CACNA1D: variants seen among roughly 807,000 people sequenced by gnomAD.
CACNA1D encodes calcium voltage-gated channel subunit alpha1 D.
In CACNA1D, 55 loss-of-function variants were observed where a neutral mutation model predicts 257.1. That is an observed-to-expected ratio of 0.21 (90% CI 0.17 to 0.27). The LOEUF (loss-of-function observed/expected upper bound fraction) is 0.27. Ranked by LOEUF, CACNA1D falls within the 10% of genes least tolerant of loss-of-function variation. CACNA1D has a pLI of 1.00. For synonymous variants in CACNA1D, 980 were observed against 1,014.9 expected (o/e 0.97, Z 0.65); for missense variants, 1,876 against 2,784.0 (o/e 0.67, Z 7.34).
chr3:53,757,912 G>C (rs1490020882), intron 29 of CACNA1D, among the ~76,000 whole-genome samples: 1 of 152,176 alleles, frequency 6.6e-6, no homozygotes, highest in East Asian at 1.9e-4. Flanking sequence ...ATGCACCATC[G>C]TTACCAACAC....
rs555197607 is a variant in CACNA1D, at chr3:53,650,288, G to A, written c.484-491G>A. Reference sequence around the variant, plus strand: ...CAGTGACAAAGCTGACTGTGACTTCGAACTCAGACATAAACCCAAGAGGAA... The same window carrying A: ...CAGTGACAAAGCTGACTGTGACTTCAAACTCAGACATAAACCCAAGAGGAA... On this transcript the variant is annotated intron_variant, in intron 3 of 47. Coordinates refer to ENST00000350061, the MANE Select transcript of CACNA1D (RefSeq NM_001128840.3). 2.0e-5 allele frequency among the ~76,000 whole-genome samples: 3 copies of A among 152,282 alleles called. No homozygotes were observed. In the East Asian group the frequency reaches 5.8e-4, roughly 29 times the overall value.
At position 53,769,973 on chromosome 3, in the gene CACNA1D, C is replaced by A. The variant is rs1342030660; in HGVS notation, c.3871C>A (p.Pro1291Thr). The change falls in exon 31 of 48, where the codon CCA (proline) becomes ACA (threonine). Residue 1291 changes from proline to threonine, a missense_variant and splice_region_variant. Around this residue, in one of 10 missense-constraint regions of CACNA1D, gnomAD observed 204 missense variants for 309.4 expected, o/e 0.66. Transcript: ENST00000350061. ...IIDVALSEAD[P>T]TESENVPVPT... The stretch of plus-strand genomic sequence containing the variant: ...ATTTTCAATCTTTGATTTCTTAAAG[C>A]CAACTGAAAGTGAAAATGTCCCTGT... The A allele has an allele frequency of 6.2e-7, 1 of 1,611,268 alleles. No individual in the cohort carries two copies.
intron 27 of CACNA1D, among the ~76,000 whole-genome samples, chr3:53,749,854 C>T (rs530475639): frequency 6.6e-6 from 1 of 152,178 alleles, no homozygotes; most frequent in African/African-American, 2.4e-5. Flanking sequence ...AGTTTCTTAC[C>T]CTTGGTGCTA....
At chr3:53,797,681 TATTATGCA>T (rs1278631404) in intron 40 of CACNA1D, 1 of 152,258 alleles carries the variant, frequency 6.6e-6, no homozygotes, top group Non-Finnish European at 1.5e-5. Context: ...TTTTTGTTTC[TATTATGCA>T]ATTATGTTAT....
intron 20 of CACNA1D, among the ~76,000 whole-genome samples, chr3:53,738,595 T>C (rs1399712343): frequency 1.3e-5 from 2 of 152,176 alleles, no homozygotes; most frequent in African/African-American, 4.8e-5. Context: ...GGGGGTTTCA[T>C]GTCTTATTTT....
intron 20 of CACNA1D, among the ~76,000 whole-genome samples, chr3:53,736,611 G>C (rs1377675191): frequency 2.0e-5 from 3 of 152,142 alleles, no homozygotes; most frequent in African/African-American, 7.2e-5. Flanking sequence ...TTATTAATTG[G>C]CTGGGCGTGG....
At chr3:53,720,016 C>G (rs2094865340) in intron 11 of CACNA1D, among the ~76,000 whole-genome samples, 2 of 152,138 alleles carry the variant, frequency 1.3e-5, no homozygotes, top group Non-Finnish European at 2.9e-5. Flanking sequence ...TTTTGCCTCC[C>G]CATTAATCCT....
chr3:53,540,262 A>T (rs1163438161), intron 3 of CACNA1D, among the ~76,000 whole-genome samples: 1 of 150,166 alleles, frequency 6.7e-6, no homozygotes, highest in Non-Finnish European at 1.5e-5. Context: ...GGGATTACAG[A>T]CATGTGCCAC....
intron 3 of CACNA1D, among the ~76,000 whole-genome samples, chr3:53,595,627 C>T (rs1264615766): frequency 3.9e-5 from 6 of 152,166 alleles, no homozygotes; most frequent in Admixed American, 3.9e-4. Context: ...GTCCTGGGCC[C>T]CTGCCTGACT....
intron 3 of CACNA1D, among the ~76,000 whole-genome samples, chr3:53,603,265 T>C (rs1489796843): frequency 6.6e-6 from 1 of 152,230 alleles, no homozygotes; most frequent in Non-Finnish European, 1.5e-5. Flanking sequence ...GGAATAATGC[T>C]CATGCTTGCC....
chr3:53,560,943 A>G (rs745738572), intron 3 of CACNA1D, among the ~76,000 whole-genome samples: 4 of 152,234 alleles, frequency 2.6e-5, no homozygotes, highest in Non-Finnish European at 5.9e-5. Flanking sequence ...TAGAAATCCT[A>G]TGGAATGCTT....
At chr3:53,626,059 G>A (rs574518272) in intron 3 of CACNA1D, among the ~76,000 whole-genome samples, 1 of 152,182 alleles carries the variant, frequency 6.6e-6, no homozygotes, top group Non-Finnish European at 1.5e-5. Flanking sequence ...CTGGAAACTG[G>A]CCAACGAAAT....
chr3:53,751,030 G>T lies in CACNA1D; in HGVS notation c.3517-719G>T, dbSNP rs560091644. On this transcript the variant is annotated intron_variant, in intron 27 of 47. Transcript: ENST00000350061. The surrounding 1 kb of genome is among the most constrained non-coding windows in gnomAD (Gnocchi z 4.3). Reference sequence around the variant, plus strand: ...ACTGCGTCCAATCAATCCAGCTGTCGCTACAGTGCTCCAGCTGGGCCCCAA... The same window carrying T: ...ACTGCGTCCAATCAATCCAGCTGTCTCTACAGTGCTCCAGCTGGGCCCCAA... Among the ~76,000 whole-genome samples, 1 of 150,966 alleles carries T rather than the reference G, an allele frequency of 6.6e-6. No individual in the cohort carries two copies. The highest frequency in any genetic ancestry group is 1.5e-5 in the Non-Finnish European group (1 of 67,982).
intron 9 of CACNA1D, among the ~76,000 whole-genome samples, chr3:53,708,607 G>A (rs1217923909): frequency 1.3e-5 from 2 of 152,208 alleles, no homozygotes; most frequent in African/African-American, 2.4e-5. Flanking sequence ...CTGGACTCAG[G>A]GACTGTTGCC....
chr3:53,735,537 G>A (rs769445725), intron 20 of CACNA1D, 34 bp downstream of exon 20: 3 of 1,612,192 alleles, frequency 1.9e-6, no homozygotes, highest in Non-Finnish European at 1.7e-6. Flanking sequence ...CTCTGGGATA[G>A]CCCTGGCCTC....
chr3:53,713,941 C>T (rs1003335065), intron 9 of CACNA1D, among the ~76,000 whole-genome samples: 1 of 152,092 alleles, frequency 6.6e-6, no homozygotes, highest in African/African-American at 2.4e-5. Flanking sequence ...TAAGGGTCTG[C>T]CCTGGAGCTC....
intron 3 of CACNA1D, among the ~76,000 whole-genome samples, chr3:53,567,283 T>C (rs2092861472): frequency 6.6e-6 from 1 of 152,170 alleles, no homozygotes; most frequent in East Asian, 1.9e-4. Context: ...ACACTAAAAT[T>C]ATAAGAATTT....
At chr3:53,540,633 A>T (rs563742723) in intron 3 of CACNA1D, among the ~76,000 whole-genome samples, 19 of 152,172 alleles carry the variant, frequency 1.2e-4, no homozygotes, top group Non-Finnish European at 2.2e-4. Context: ...AAGAAATAAT[A>T]GTGTCACATT....
intron 9 of CACNA1D, among the ~76,000 whole-genome samples, chr3:53,704,562 C>A (rs1202546080): frequency 6.6e-6 from 1 of 152,188 alleles, no homozygotes; most frequent in Non-Finnish European, 1.5e-5. Context: ...CACAGCTCTC[C>A]CCTTGGCAGT....
Sources: gnomAD v4.1 joint callset for allele counts (sites outside exome capture counted in the v4.1 genomes callset) on GRCh38, gnomAD v4.1.1 for gene constraint, gnomAD v4.1.1 regional missense constraint, Gnocchi (gnomAD v3.1) non-coding constraint, MANE v1.5 for transcripts, NCBI Gene and HGNC (gene_info 2026-07-23, HGNC 2026-07-21) for gene names.